PTPRD: variants seen among roughly 807,000 people sequenced by gnomAD.
PTPRD encodes receptor-type tyrosine-protein phosphatase delta.
PTPRD carries 34 observed loss-of-function variants against 214.5 expected under a neutral mutation model. The observed-to-expected ratio is 0.16, with a 90% CI of 0.12 to 0.21. The LOEUF (loss-of-function observed/expected upper bound fraction) is 0.21. PTPRD is among the 10% of genes least tolerant of loss of function. The pLI, the probability that PTPRD is intolerant of heterozygous loss-of-function variation, is 1.00. For missense variants in PTPRD, 2,545 were observed against 2,398.7 expected, an observed-to-expected ratio of 1.06 and a Z score of -1.27; for synonymous variants, 1,128 against 845.7, an observed-to-expected ratio of 1.33 and a Z score of -5.79.
At chr9:8,968,092 T>C (rs1458322032) in intron 11 of PTPRD, among the ~76,000 whole-genome samples, 1 of 152,118 alleles carries the variant, frequency 6.6e-6, no homozygotes, top group South Asian at 2.1e-4. Context: ...ACTCATCCCT[T>C]TTTATGGCTG....
intron 11 of PTPRD, among the ~76,000 whole-genome samples, chr9:8,747,952 C>T (rs1565760188): frequency 6.6e-6 from 1 of 152,092 alleles, no homozygotes; most frequent in Non-Finnish European, 1.5e-5. Context: ...CTTCCAGAAT[C>T]GAAGCTGTAA....
At chr9:9,086,831 G>T (rs1344317882) in intron 10 of PTPRD, among the ~76,000 whole-genome samples, 1 of 152,046 alleles carries the variant, frequency 6.6e-6, no homozygotes, top group Non-Finnish European at 1.5e-5. Flanking sequence ...TGGGGAATTG[G>T]GCCAGTGAAA....
intron 21 of PTPRD, among the ~76,000 whole-genome samples, chr9:8,516,532 A>G (rs976275478): frequency 1.3e-5 from 2 of 152,196 alleles, no homozygotes; most frequent in Non-Finnish European, 2.9e-5. Context: ...ATGCCATGAA[A>G]ACAAGTCAGT....
intron 2 of PTPRD, among the ~76,000 whole-genome samples, chr9:10,428,189 C>T (rs541148816): frequency 2.0e-5 from 3 of 151,970 alleles, no homozygotes; most frequent in East Asian, 3.9e-4. Context: ...TGTGGTGGCT[C>T]ATGGCTGTAA....
At chr9:9,567,052 C>A (rs1366774296) in intron 8 of PTPRD, among the ~76,000 whole-genome samples, 2 of 151,932 alleles carry the variant, frequency 1.3e-5, no homozygotes, top group Non-Finnish European at 2.9e-5. Context: ...ATAAAATAAT[C>A]AGTCTAATGG....
intron 11 of PTPRD, among the ~76,000 whole-genome samples, chr9:8,777,302 C>G (rs1271337726): frequency 6.6e-6 from 1 of 151,968 alleles, no homozygotes; most frequent in Non-Finnish European, 1.5e-5. Context: ...GAAATTTAAA[C>G]AGAGGTATTA....
intron 21 of PTPRD, among the ~76,000 whole-genome samples, chr9:8,517,481 T>A (rs992489534): frequency 6.6e-6 from 1 of 152,206 alleles, no homozygotes; most frequent in Non-Finnish European, 1.5e-5. Context: ...AACCATCCAA[T>A]CTTACACAAA....
intron 2 of PTPRD, among the ~76,000 whole-genome samples, chr9:10,489,957 C>A (rs879286324): frequency 6.6e-6 from 1 of 152,120 alleles, no homozygotes; most frequent in Non-Finnish European, 1.5e-5. Flanking sequence ...GTTAAAACCA[C>A]GTACTTTGAG....
intron 9 of PTPRD, among the ~76,000 whole-genome samples, chr9:9,367,801 G>A (rs1166912082): frequency 6.6e-6 from 1 of 151,610 alleles, no homozygotes; most frequent in Non-Finnish European, 1.5e-5. Flanking sequence ...GCACCAAATT[G>A]CTGTAATAAG....
At chr9:9,193,704 A>C (rs1191724948) in intron 9 of PTPRD, among the ~76,000 whole-genome samples, 1 of 152,142 alleles carries the variant, frequency 6.6e-6, no homozygotes, top group East Asian at 1.9e-4. Flanking sequence ...AAAATGGTAC[A>C]CCTGTGTAGG....
At chr9:8,915,337 TAA>T (rs1486620633) in intron 11 of PTPRD, among the ~76,000 whole-genome samples, 1 of 152,008 alleles carries the variant, frequency 6.6e-6, no homozygotes, top group Non-Finnish European at 1.5e-5. Context: ...CTAATATAAG[TAA>T]AAGACAGAAC....
chr9:9,951,061 T>C (rs2093409381), intron 4 of PTPRD, among the ~76,000 whole-genome samples: 1 of 152,168 alleles, frequency 6.6e-6, no homozygotes, highest in Non-Finnish European at 1.5e-5. Context: ...ATCCATGGCA[T>C]GTAAATGCGT....
chr9:9,629,238 G>GTGTATATATATATATATATATATATATA (rs149327972), intron 7 of PTPRD, among the ~76,000 whole-genome samples: 9 of 140,386 alleles, frequency 6.4e-5, no homozygotes, highest in South Asian at 2.2e-4. Flanking sequence ...GTGTGTGTGT[G>GTGTATATATATATATATATATATATATA]TATATATATA....
At chr9:9,336,784 A>G (rs1448991415) in intron 9 of PTPRD, among the ~76,000 whole-genome samples, 1 of 152,168 alleles carries the variant, frequency 6.6e-6, no homozygotes, top group African/African-American at 2.4e-5. Flanking sequence ...TTATACTTTA[A>G]TAATTGTCAT....
chr9:9,301,381 A>G (rs1955227211), intron 9 of PTPRD, among the ~76,000 whole-genome samples: 1 of 151,888 alleles, frequency 6.6e-6, no homozygotes, highest in Non-Finnish European at 1.5e-5. Context: ...GTGAGACAAC[A>G]TACCAGCAGT....
At chr9:9,604,127 G>A (rs1009887994) in intron 7 of PTPRD, among the ~76,000 whole-genome samples, 1 of 151,814 alleles carries the variant, frequency 6.6e-6, no homozygotes, top group African/African-American at 2.4e-5. Flanking sequence ...AAGTTTTGGA[G>A]AGTTGATCCC....
chr9:8,665,471 G>C (rs1489507615), intron 12 of PTPRD, among the ~76,000 whole-genome samples: 1 of 152,152 alleles, frequency 6.6e-6, no homozygotes, highest in Non-Finnish European at 1.5e-5. Context: ...CTGATCCTTT[G>C]AACAGCTACT....
At chr9:10,481,977 A>G (rs952618394) in intron 2 of PTPRD, among the ~76,000 whole-genome samples, 1 of 152,172 alleles carries the variant, frequency 6.6e-6, no homozygotes, top group Admixed American at 6.5e-5. Flanking sequence ...TCCTCTCCAG[A>G]CTTTCAGAGG....
rs1467338923 is a variant in PTPRD, at chr9:9,275,055, GTATATATATATTATA to G, written c.-202-91707_-202-91693del. ...AATCCCTTTGTTTCCATATATATAT[GTATATATATATTATA>G]TATATATATATAATATATATGTTAT... On this transcript the variant is annotated intron_variant, in intron 9 of 45. Coordinates refer to ENST00000381196, the MANE Select transcript of PTPRD (RefSeq NM_002839.4). Among the ~76,000 whole-genome samples the G allele has an allele frequency of 5.6e-4, 39 of 69,092 alleles. 1 individual carries two copies. Among genetic ancestry groups the G allele is most frequent in the African/African-American group, 1.3e-3 (23 of 17,294 alleles). 45.3% of individuals were successfully genotyped at this position (69,092 alleles called of 152,430 possible).
Sources: gnomAD v4.1 joint callset for allele counts (sites outside exome capture counted in the v4.1 genomes callset) on GRCh38, gnomAD v4.1.1 for gene constraint, MANE v1.5 for transcripts, NCBI Gene and HGNC (gene_info 2026-07-23, HGNC 2026-07-21) for gene names.